Variants in LRRC4C observed in about 807,000 individuals in gnomAD.
The protein encoded by LRRC4C is leucine rich repeat containing 4C, also known as leucine-rich repeat-containing protein 4C.
A neutral mutation model predicts 33.6 loss-of-function variants in LRRC4C; 5 were observed. The observed-to-expected ratio is 0.15, with a 90% CI of 0.08 to 0.31. LRRC4C has a LOEUF of 0.31. Ranked by LOEUF, LRRC4C falls within the 10% of genes least tolerant of loss-of-function variation. The probability of loss-of-function intolerance (pLI) is 1.00; values close to 1 mark genes in which losing one functional copy is unlikely to be tolerated. For synonymous variants in LRRC4C, 329 were observed against 302.0 expected, an observed-to-expected ratio of 1.09 and a Z score of -0.93; for missense variants, 560 against 796.7, an observed-to-expected ratio of 0.70 and a Z score of 3.58.
At chr11:41,426,032 G>A (rs1457926948) in intron 1 of LRRC4C, among the ~76,000 whole-genome samples, 1 of 152,130 alleles carries the variant, frequency 6.6e-6, no homozygotes, top group Non-Finnish European at 1.5e-5. Context: ...ACCATACGTT[G>A]ATAGATTTGT....
intron 6 of LRRC4C, among the ~76,000 whole-genome samples, chr11:40,127,688 A>G (rs908044494): frequency 4.6e-5 from 7 of 152,164 alleles, no homozygotes; most frequent in Non-Finnish European, 8.8e-5. Context: ...CTTTAGAATG[A>G]ATGGAACCGA....
At chr11:40,580,086 T>TGTGTGTGTGTGTGC (rs369797293) in intron 3 of LRRC4C, among the ~76,000 whole-genome samples, 1 of 151,728 alleles carries the variant, frequency 6.6e-6, no homozygotes, top group Non-Finnish European at 1.5e-5. Context: ...TGTGTGTGTG[T>TGTGTGTGTGTGTGC]GCCTTTCAAG....
intron 2 of LRRC4C, among the ~76,000 whole-genome samples, chr11:40,691,421 AT>A (rs957558353): frequency 7.9e-5 from 12 of 152,122 alleles, no homozygotes; most frequent in African/African-American, 2.7e-4. Context: ...GAATCAGCAT[AT>A]GTTCTTTCAC....
intron 1 of LRRC4C, among the ~76,000 whole-genome samples, chr11:41,000,669 G>T (rs1854307635): frequency 6.6e-6 from 1 of 152,206 alleles, no homozygotes; most frequent in Non-Finnish European, 1.5e-5. Flanking sequence ...CCTACTGGCT[G>T]CTCAGCCCTC....
chr11:40,743,724 TA>T (rs1432224571), intron 2 of LRRC4C, among the ~76,000 whole-genome samples: 2 of 152,106 alleles, frequency 1.3e-5, no homozygotes, highest in African/African-American at 4.8e-5. Context: ...CTTTCTTTCC[TA>T]AAACCTCTTT....
chr11:41,168,528 T>C (rs921985220), intron 1 of LRRC4C, among the ~76,000 whole-genome samples: 1 of 152,152 alleles, frequency 6.6e-6, no homozygotes, highest in African/African-American at 2.4e-5. Flanking sequence ...TACTTAATGA[T>C]AACTAAAACT....
chr11:40,852,615 TC>T (rs1296649263), intron 2 of LRRC4C, among the ~76,000 whole-genome samples: 4 of 152,138 alleles, frequency 2.6e-5, no homozygotes, highest in African/African-American at 9.7e-5. Context: ...GATAGAAGGC[TC>T]AGAAGATTAG....
At chr11:41,021,639 A>G (rs1855992444) in intron 1 of LRRC4C, among the ~76,000 whole-genome samples, 1 of 152,072 alleles carries the variant, frequency 6.6e-6, no homozygotes, top group Admixed American at 6.6e-5. Flanking sequence ...CTTTTGAGAA[A>G]TTATGCTAAT....
Position 40,679,005 on chromosome 11 carries a change from T to C in LRRC4C, c.-406-30727A>G, listed in dbSNP as rs970400344. On this transcript the variant is annotated intron_variant, in intron 2 of 6. Coordinates refer to ENST00000528697, the MANE Select transcript of LRRC4C (RefSeq NM_001258419.2). ...TGGAACTCCCTACACACTTGTTGAA[T>C]GGCTTTGACAAAAATGCTGATAGTG... is the stretch of plus-strand genomic sequence containing the variant. Among the ~76,000 whole-genome samples, 2 of 152,196 alleles carry C rather than the reference T, an allele frequency of 1.3e-5. 1 individual carries two copies. Among genetic ancestry groups the C allele is most frequent in the Admixed American group, 1.3e-4 (2 of 15,284 alleles).
chr11:41,425,377 G>A (rs1955004740), intron 1 of LRRC4C, among the ~76,000 whole-genome samples: 1 of 151,980 alleles, frequency 6.6e-6, no homozygotes, highest in African/African-American at 2.4e-5. Flanking sequence ...TTGATTTTCT[G>A]GTAAGGGACT....
chr11:40,128,728 A>G (rs1856438525), intron 6 of LRRC4C, among the ~76,000 whole-genome samples: 1 of 152,006 alleles, frequency 6.6e-6, no homozygotes, highest in Non-Finnish European at 1.5e-5. Flanking sequence ...CAAAAGATTC[A>G]GCCTTGTTCC....
intron 1 of LRRC4C, among the ~76,000 whole-genome samples, chr11:41,107,223 T>A (rs543608063): frequency 6.6e-6 from 1 of 152,188 alleles, no homozygotes; most frequent in African/African-American, 2.4e-5. Context: ...GGATTTTAGA[T>A]GTTCTGATTT....
chr11:40,138,340 T>C (rs956552534), intron 6 of LRRC4C, among the ~76,000 whole-genome samples: 8 of 152,254 alleles, frequency 5.3e-5, no homozygotes, highest in African/African-American at 1.9e-4. Flanking sequence ...ATGGCTGCTT[T>C]TAAAATTTTT....
intron 3 of LRRC4C, among the ~76,000 whole-genome samples, chr11:40,555,946 A>T (rs1957316953): frequency 6.6e-6 from 1 of 152,160 alleles, no homozygotes; most frequent in African/African-American, 2.4e-5. Flanking sequence ...TTTATTTTCA[A>T]TTTTTTAAAA....
intron 1 of LRRC4C, among the ~76,000 whole-genome samples, chr11:41,240,774 T>C (rs1948219236): frequency 2.0e-5 from 3 of 152,136 alleles, no homozygotes; most frequent in African/African-American, 4.8e-5. Context: ...CGTGGTGTGA[T>C]TGTTGCAGAG....
intron 2 of LRRC4C, among the ~76,000 whole-genome samples, chr11:40,917,632 T>G (rs1231935460): frequency 6.6e-6 from 1 of 152,146 alleles, no homozygotes; most frequent in African/African-American, 2.4e-5. Flanking sequence ...CTCTGCCATT[T>G]AGTCACTATG....
chr11:40,961,315 T>C (rs1003258385), intron 1 of LRRC4C, among the ~76,000 whole-genome samples: 4 of 151,670 alleles, frequency 2.6e-5, no homozygotes, highest in African/African-American at 9.7e-5. Flanking sequence ...AGAGTTGTTC[T>C]ATTTTGCCTG....
chr11:40,287,144 C>A (rs1268002342), intron 4 of LRRC4C, among the ~76,000 whole-genome samples: 1 of 151,850 alleles, frequency 6.6e-6, no homozygotes, highest in African/African-American at 2.4e-5. Flanking sequence ...TTGAATTGTA[C>A]AAAATGTCAC....
chr11:40,460,807 T>G (rs1451593610), intron 3 of LRRC4C, among the ~76,000 whole-genome samples: 1 of 152,146 alleles, frequency 6.6e-6, no homozygotes, highest in Non-Finnish European at 1.5e-5. Flanking sequence ...ATGAGAGACT[T>G]GATTGTGAGT....
Sources: gnomAD v4.1 joint callset for allele counts (sites outside exome capture counted in the v4.1 genomes callset) on GRCh38, gnomAD v4.1.1 for gene constraint, MANE v1.5 for transcripts, NCBI Gene and HGNC (gene_info 2026-07-23, HGNC 2026-07-21) for gene names.